The following CDKAL1 variants were observed in gnomAD, a reference collection of about 807,000 sequenced individuals.
CDKAL1 encodes CDKAL1 threonylcarbamoyladenosine tRNA methylthiotransferase, also known as threonylcarbamoyladenosine tRNA methylthiotransferase.
A neutral mutation model predicts 68.2 loss-of-function variants in CDKAL1; 32 were observed. The ratio of observed to expected loss-of-function variants is 0.47; its 90% confidence interval spans 0.35 to 0.63. CDKAL1 has a LOEUF of 0.63. Ranked by LOEUF, CDKAL1 falls within the 30% of genes least tolerant of loss-of-function variation. The pLI is 0.00. For synonymous variants in CDKAL1, 234 were observed against 244.3 expected (o/e 0.96, Z 0.39); for missense variants, 606 against 696.7 (o/e 0.87, Z 1.47).
intron 13 of CDKAL1, among the ~76,000 whole-genome samples, chr6:21,159,401 G>C (rs575875298): frequency 1.3e-5 from 2 of 152,220 alleles, no homozygotes; most frequent in South Asian, 4.1e-4. Context: ...ACCCATTCTT[G>C]TTCCTCTCTC....
chr6:20,977,309 G>A (rs1055711557), intron 10 of CDKAL1, among the ~76,000 whole-genome samples: 1 of 152,018 alleles, frequency 6.6e-6, no homozygotes, highest in African/African-American at 2.4e-5. Flanking sequence ...TTAAATAATT[G>A]GGCCACATAT....
At chr6:21,180,079 C>T (rs1176517744) in intron 13 of CDKAL1, among the ~76,000 whole-genome samples, 5 of 152,130 alleles carry the variant, frequency 3.3e-5, no homozygotes, top group African/African-American at 1.2e-4. Context: ...TGGGTAAGAC[C>T]ACCTCAACCC....
intron 9 of CDKAL1, among the ~76,000 whole-genome samples, chr6:20,898,760 T>A (rs1050776022): frequency 2.0e-5 from 3 of 152,144 alleles, no homozygotes; most frequent in Admixed American, 6.5e-5. Context: ...AACTTTTTTA[T>A]TTTTACATAT....
intron 9 of CDKAL1, among the ~76,000 whole-genome samples, chr6:20,938,467 G>T (rs778432386): frequency 6.6e-6 from 1 of 152,100 alleles, no homozygotes; most frequent in Non-Finnish European, 1.5e-5. Context: ...CGAGTTTGTG[G>T]AGTTCTCTTG....
chr6:20,661,222 T>A (rs972522848), intron 5 of CDKAL1, among the ~76,000 whole-genome samples: 1 of 152,218 alleles, frequency 6.6e-6, no homozygotes, highest in African/African-American at 2.4e-5. Context: ...TTAGGTCTTA[T>A]TATCTATCAT....
intron 8 of CDKAL1, among the ~76,000 whole-genome samples, chr6:20,835,481 TTTGTCTTGTCTTGTCTTGTC>T (rs143490469): frequency 7.3e-5 from 11 of 149,768 alleles, no homozygotes; most frequent in South Asian, 2.1e-4. Context: ...CTTTGCTTTG[TTTGTCTTGTCTTGTCTTGTC>T]TTGTCTTGTC....
intron 11 of CDKAL1, among the ~76,000 whole-genome samples, chr6:21,033,405 G>GT (rs1036380341): frequency 9.9e-5 from 15 of 152,034 alleles, no homozygotes; most frequent in African/African-American, 1.4e-4. Context: ...TTGACTGAAA[G>GT]TTTTTTTAAC....
At chr6:20,678,551 T>C (rs1770230919) in intron 5 of CDKAL1, among the ~76,000 whole-genome samples, 2 of 152,182 alleles carry the variant, frequency 1.3e-5, no homozygotes, top group Non-Finnish European at 2.9e-5. Context: ...GGAAACACAG[T>C]TTTAAGTGAA....
At chr6:20,724,095 G>A (rs371256644) in intron 5 of CDKAL1, among the ~76,000 whole-genome samples, 17 of 152,182 alleles carry the variant, frequency 1.1e-4, no homozygotes, top group African/African-American at 3.9e-4. Flanking sequence ...ACCACACCTG[G>A]ATACTTTTTT....
chr6:20,685,368 C>G (rs753985464), intron 5 of CDKAL1, among the ~76,000 whole-genome samples: 1 of 152,094 alleles, frequency 6.6e-6, no homozygotes, highest in Non-Finnish European at 1.5e-5. Context: ...TTTGTCTGTT[C>G]TTTCATCAGT....
chr6:20,613,492 A>G (rs1251253617), intron 4 of CDKAL1, among the ~76,000 whole-genome samples: 1 of 150,572 alleles, frequency 6.6e-6, no homozygotes, highest in Non-Finnish European at 1.5e-5. Flanking sequence ...CCAGGCTCGT[A>G]TCAAATTCCT....
intron 4 of CDKAL1, among the ~76,000 whole-genome samples, chr6:20,611,788 A>G (rs550747879): frequency 2.2e-4 from 33 of 152,156 alleles, no homozygotes; most frequent in Non-Finnish European, 4.6e-4. Context: ...TGAAATATAC[A>G]ATATATTGTT....
intron 5 of CDKAL1, among the ~76,000 whole-genome samples, chr6:20,664,358 T>C (rs1394668672): frequency 6.6e-6 from 1 of 152,210 alleles, no homozygotes; most frequent in Non-Finnish European, 1.5e-5. Context: ...CAATATGTTT[T>C]AGAAGTCAAC....
chr6:20,712,986 T>G (rs1017911754), intron 5 of CDKAL1, among the ~76,000 whole-genome samples: 2 of 152,234 alleles, frequency 1.3e-5, no homozygotes, highest in African/African-American at 4.8e-5. Context: ...AACACTCTCT[T>G]TTAATCTTTG....
intron 6 of CDKAL1, among the ~76,000 whole-genome samples, chr6:20,740,929 G>A (rs1773428124): frequency 6.6e-6 from 1 of 152,130 alleles, no homozygotes; most frequent in African/African-American, 2.4e-5. Flanking sequence ...TCCTGCTGTG[G>A]TAGGGAAATA....
chr6:20,660,627 T>C (rs972899416), intron 5 of CDKAL1, among the ~76,000 whole-genome samples: 1 of 152,328 alleles, frequency 6.6e-6, no homozygotes, highest in Non-Finnish European at 1.5e-5. Flanking sequence ...TTCAGGGCTG[T>C]GGCCATTAGA....
chr6:21,144,171 A>G (rs1422291321), intron 13 of CDKAL1, among the ~76,000 whole-genome samples: 1 of 152,116 alleles, frequency 6.6e-6, no homozygotes, highest in Non-Finnish European at 1.5e-5. Flanking sequence ...GAATCATCTC[A>G]CCACCTAGCC....
At chr6:20,759,972 G>A (rs1434010789) in intron 7 of CDKAL1, among the ~76,000 whole-genome samples, 1 of 151,774 alleles carries the variant, frequency 6.6e-6, no homozygotes, top group South Asian at 2.1e-4. Context: ...TTTTAATGCT[G>A]CACTTTTCCT....
intron 11 of CDKAL1, among the ~76,000 whole-genome samples, chr6:21,033,796 T>G (rs1769426825): frequency 1.3e-5 from 2 of 152,150 alleles, no homozygotes; most frequent in African/African-American, 4.8e-5. Flanking sequence ...TATATATTTC[T>G]CAAATGAACA....
Sources: allele counts gnomAD v4.1 joint callset (sites outside exome capture counted in the v4.1 genomes callset), GRCh38; gene constraint gnomAD v4.1.1; transcripts MANE v1.5; gene names NCBI Gene and HGNC (gene_info 2026-07-23, HGNC 2026-07-21).